Variants in CLOCK observed in about 807,000 individuals in gnomAD.
CLOCK encodes clock circadian regulator, also known as circadian locomoter output cycles protein kaput.
CLOCK carries 43 observed loss-of-function variants against 118.4 expected under a neutral mutation model. That is an observed-to-expected ratio of 0.36 (90% confidence interval 0.28 to 0.47). CLOCK has a LOEUF of 0.47. Ranked by LOEUF, CLOCK falls within the 20% of genes least tolerant of loss-of-function variation. The pLI, the probability that CLOCK is intolerant of heterozygous loss-of-function variation, is 1.00. For synonymous variants in CLOCK, 326 were observed against 339.2 expected (o/e 0.96, Z 0.43); for missense variants, 846 against 999.9 (o/e 0.85, Z 2.08).
intron 18 of CLOCK, among the ~76,000 whole-genome samples, 178 bp downstream of exon 18, chr4:55,448,601 C>CGTGTGTGT (rs3034980): frequency 4.9e-4 from 57 of 116,978 alleles, no homozygotes; most frequent in Non-Finnish European, 8.2e-4. Flanking sequence ...CGCACGCGCG[C>CGTGTGTGT]GTGTGTGTGT....
chr4:55,499,017 G>T (rs1728264075), intron 2 of CLOCK, among the ~76,000 whole-genome samples: 1 of 152,106 alleles, frequency 6.6e-6, no homozygotes, highest in African/African-American at 2.4e-5. Context: ...GTATTTTTCA[G>T]CTCTGAAATT....
At chr4:55,440,103 T>A (rs931706474) in intron 21 of CLOCK, among the ~76,000 whole-genome samples, 1 of 152,186 alleles carries the variant, frequency 6.6e-6, no homozygotes, top group Admixed American at 6.5e-5. Context: ...GGCACATGAT[T>A]CATCTGCTAC....
At chr4:55,505,428 C>A (rs536372403) in intron 2 of CLOCK, among the ~76,000 whole-genome samples, 1 of 151,956 alleles carries the variant, frequency 6.6e-6, no homozygotes. Context: ...CTTTGGGAGG[C>A]GGAGGCAGGC....
chr4:55,535,641 TA>T lies in CLOCK; in HGVS notation c.-290+11140del, dbSNP rs561501927. On this transcript the variant is annotated intron_variant, in intron 1 of 22. Coordinates refer to ENST00000513440, the MANE Select transcript of CLOCK (RefSeq NM_004898.4). ...GCCAATATTCTTGCTAAGAACAACTTAAAAAGCTAAATAAATTATAAAAATC... is the reference window on the plus strand; with the variant it reads ...GCCAATATTCTTGCTAAGAACAACTTAAAAGCTAAATAAATTATAAAAATC... Among the ~76,000 whole-genome samples, 463 of 151,940 alleles carry T rather than the reference TA, an allele frequency of 3.0e-3. 2 individuals carry two copies. Among genetic ancestry groups the T allele is most frequent in the African/African-American group, 0.01 (426 of 41,416 alleles).
chr4:55,454,773 TAA>T (rs984514372), intron 13 of CLOCK, among the ~76,000 whole-genome samples: 1 of 152,108 alleles, frequency 6.6e-6, no homozygotes, highest in East Asian at 1.9e-4. Context: ...TCCTTGACTA[TAA>T]AGTCTTTTTT....
intron 2 of CLOCK, among the ~76,000 whole-genome samples, chr4:55,507,038 G>A (rs184991279): frequency 1.3e-5 from 2 of 152,248 alleles, no homozygotes; most frequent in Non-Finnish European, 2.9e-5. Flanking sequence ...CCTAGGCTGG[G>A]CACGGTGGCT....
At chr4:55,481,233 G>T (rs1726914561) in intron 4 of CLOCK, among the ~76,000 whole-genome samples, 1 of 147,480 alleles carries the variant, frequency 6.8e-6, no homozygotes. Context: ...TCATGGTGGA[G>T]GTGCATGTAT....
chr4:55,442,254 A>G, intron 21 of CLOCK, 178 bp downstream of exon 21: 1 of 623,750 alleles, frequency 1.6e-6, no homozygotes, highest in Admixed American at 2.9e-5. Flanking sequence ...TTACCCTTTA[A>G]TTATGAAGTC....
chr4:55,450,317 A>T lies in CLOCK; in HGVS notation c.1207-85T>A. 3.2e-6 allele frequency: 5 copies of T among 1,555,172 alleles called. No homozygotes were observed. The South Asian group carries it at 5.6e-5, about 17-fold the overall frequency. Reference sequence around the variant, plus strand: ...ACAATACTGTTAACAACAACAAAAAAATCAGTTTTTGTCTATAACAAGGCA... The same window carrying T: ...ACAATACTGTTAACAACAACAAAAATATCAGTTTTTGTCTATAACAAGGCA... On this transcript the variant is annotated intron_variant, in intron 15 of 22. Coordinates refer to ENST00000513440, the MANE Select transcript of CLOCK (RefSeq NM_004898.4).
chr4:55,469,917 A>G (rs1334047737), intron 8 of CLOCK, among the ~76,000 whole-genome samples: 5 of 152,192 alleles, frequency 3.3e-5, no homozygotes, highest in Non-Finnish European at 5.9e-5. Context: ...CATGTTGCCC[A>G]GGCTGGTCTC....
chr4:55,448,879 A>AT lies in CLOCK; in HGVS notation c.1450-12dup. Reference sequence around the variant, plus strand: ...CTGGGAATTTATGGACTAGAGCAAAATAAAAAATAACACTGAAGTGATTCT... The same window carrying AT: ...CTGGGAATTTATGGACTAGAGCAAAATTAAAAAATAACACTGAAGTGATTCT... On this transcript the variant is annotated splice_polypyrimidine_tract_variant and intron_variant, in intron 17 of 22. Transcript: ENST00000513440. The AT allele has an allele frequency of 6.3e-7, 1 of 1,596,284 alleles. No homozygotes were observed. The highest frequency in any genetic ancestry group is 8.6e-7 in the Non-Finnish European group (1 of 1,163,976).
chr4:55,479,615 T>C, intron 5 of CLOCK, 25 bp downstream of exon 5: 1 of 1,552,366 alleles, frequency 6.4e-7, no homozygotes, highest in African/African-American at 1.4e-5. Flanking sequence ...ATTCATTTAC[T>C]ATTTTATATC....
rs138834208 is a variant in CLOCK at position 55,542,864 on chromosome 4, T to C, written c.-290+3918A>G. ...GGAAAAAAAATCAAAGTTTAACCCA[T>C]ACACTATCGATCAAGTCAAAAGCCA... On this transcript the variant is annotated intron_variant, in intron 1 of 22. Coordinates refer to ENST00000513440, the MANE Select transcript of CLOCK (RefSeq NM_004898.4). 3.4e-3 allele frequency among the ~76,000 whole-genome samples: 520 copies of C among 152,192 alleles called. 2 individuals are homozygous for C. Among genetic ancestry groups the C allele is most frequent in the African/African-American group, 0.011 (475 of 41,530 alleles).
intron 2 of CLOCK, among the ~76,000 whole-genome samples, chr4:55,503,480 C>T (rs761605876): frequency 1.3e-5 from 2 of 152,008 alleles, no homozygotes; most frequent in African/African-American, 2.4e-5. Context: ...CCTGGGTTGA[C>T]GAAAATGTCC....
intron 2 of CLOCK, among the ~76,000 whole-genome samples, chr4:55,504,332 G>A (rs1314535911): frequency 1.4e-5 from 2 of 139,334 alleles, no homozygotes; most frequent in Non-Finnish European, 3.1e-5. Context: ...TCACATCTAA[G>A]CTTAGTTTTA....
intron 2 of CLOCK, among the ~76,000 whole-genome samples, 191 bp from the exon 3 acceptor site, chr4:55,489,656 A>G (rs1319393435): frequency 6.6e-6 from 1 of 152,166 alleles, no homozygotes. Context: ...TAAAACAATC[A>G]CTTAATTCTG....
At chr4:55,521,544 C>T (rs1189934786) in intron 1 of CLOCK, among the ~76,000 whole-genome samples, 2 of 152,180 alleles carry the variant, frequency 1.3e-5, no homozygotes, top group Admixed American at 6.5e-5. Context: ...ATAGAGCTCA[C>T]CTTATAGATT....
intron 1 of CLOCK, among the ~76,000 whole-genome samples, chr4:55,516,170 G>A (rs1729501814): frequency 6.6e-6 from 1 of 152,174 alleles, no homozygotes; most frequent in African/African-American, 2.4e-5. Context: ...AATGTGTATT[G>A]TGCTGTTGTT....
At chr4:55,466,648 T>C (rs912339513) in intron 8 of CLOCK, among the ~76,000 whole-genome samples, 1 of 152,214 alleles carries the variant, frequency 6.6e-6, no homozygotes, top group Non-Finnish European at 1.5e-5. Flanking sequence ...AGAAAATGAA[T>C]GCCTGTATCA....
Sources: gnomAD v4.1 joint callset for allele counts (sites outside exome capture counted in the v4.1 genomes callset) on GRCh38, gnomAD v4.1.1 for gene constraint, MANE v1.5 for transcripts, NCBI Gene and HGNC (gene_info 2026-07-23, HGNC 2026-07-21) for gene names.